Variants in TRPV5 observed in about 807,000 individuals in gnomAD.
The protein encoded by TRPV5 is calcium transport protein 2.
TRPV5 carries 66 observed loss-of-function variants against 74.1 expected under a neutral mutation model. The ratio of observed to expected loss-of-function variants is 0.89; its 90% CI spans 0.73 to 1.09. The LOEUF is 1.09. Among genes scored for constraint, TRPV5 ranks in the 50% least tolerant of loss-of-function variants. TRPV5 has a pLI of 0.00. For synonymous variants in TRPV5, 399 were observed against 360.7 expected (o/e 1.11, Z -1.20); for missense variants, 936 against 930.4 (o/e 1.01, Z -0.08).
rs759897672 is a variant in TRPV5, at chr7:142,908,783, G to T, written c.1921C>A (p.Pro641Thr). The T allele has an allele frequency of 1.2e-6, 2 of 1,612,738 alleles. No homozygotes were observed. Among genetic ancestry groups the T allele is most frequent in the Non-Finnish European group, 1.7e-6 (2 of 1,179,678 alleles). ...LRVENHNDQN[P>T]LRVLRYVEVF... Reference sequence around the variant, plus strand: ...TCCACATAGCGAAGCACTCGCAGAGGATTCTGATCATTGTGGTTCTCAACC... The same window carrying T: ...TCCACATAGCGAAGCACTCGCAGAGTATTCTGATCATTGTGGTTCTCAACC... The change falls in exon 15 of 15, where the codon CCT becomes ACT. Residue 641 changes from proline to threonine, a missense_variant. Coordinates refer to ENST00000265310, the MANE Select transcript of TRPV5 (RefSeq NM_019841.7).
chr7:142,914,599 C>T (rs1181147789), intron 12 of TRPV5, 41 bp downstream of exon 12: 3 of 1,540,788 alleles, frequency 1.9e-6, no homozygotes, highest in Non-Finnish European at 2.7e-6. Context: ...TTCTGGAGAA[C>T]TAGATCTGCT....
In TRPV5 at chr7:142,908,133, G is replaced by T; in HGVS notation, c.*381C>A. ...AGAAGGGCCACAACCTCTATGCCAT[G>T]CCTGGCTCTTCCCACGTAAGCCCTG... is the stretch of plus-strand genomic sequence containing the variant. On this transcript the variant is annotated 3_prime_UTR_variant, in exon 15 of 15. Transcript: ENST00000265310. The T allele has an allele frequency of 4.1e-6, 1 of 242,026 alleles. No homozygotes were observed. The highest frequency in any genetic ancestry group is 8.0e-6 in the Non-Finnish European group (1 of 124,550). 15.0% of individuals were successfully genotyped at this position (242,026 alleles called of 1,614,324 possible).
chr7:142,920,005 A>G (rs778328068), intron 8 of TRPV5, among the ~76,000 whole-genome samples: 2 of 152,216 alleles, frequency 1.3e-5, no homozygotes, highest in Non-Finnish European at 2.9e-5. Context: ...CTAACTGGGC[A>G]TGAGTTCCTA....
chr7:142,929,202 T>C, intron 4 of TRPV5, 82 bp from the exon 5 acceptor site: 1 of 1,542,580 alleles, frequency 6.5e-7, no homozygotes, highest in Admixed American at 1.9e-5. Flanking sequence ...AAGGGCCTCC[T>C]CCTCATCCCC....
At position 142,929,355 on chromosome 7, in the gene TRPV5, C is replaced by T. The variant is rs1024655394; in HGVS notation, c.487+73G>A. 10 of 1,580,276 alleles carry T rather than the reference C, an allele frequency of 6.3e-6. No individual in the cohort carries two copies. The Admixed American group carries it at 1.7e-4, about 27-fold the overall frequency. ...AACAGATGGAGCTGAAGGCAGGACC[C>T]TCATGCCCTGGCCTCCCTCTGCCTT... On this transcript the variant is annotated intron_variant, in intron 4 of 14. Transcript: ENST00000265310.
intron 14 of TRPV5, 147 bp from the exon 15 acceptor site, chr7:142,908,955 T>C (rs1359630207): frequency 2.4e-6 from 2 of 827,942 alleles, no homozygotes; most frequent in South Asian, 1.8e-5. Context: ...TGGGATCAAG[T>C]GAAGGGAGGT....
intron 12 of TRPV5, 98 bp from the exon 13 acceptor site, chr7:142,912,848 C>CTATA (rs1258590895): frequency 1.2e-6 from 1 of 845,158 alleles, no homozygotes; most frequent in Non-Finnish European, 1.8e-6. Context: ...ATCTATCTAT[C>CTATA]TATCTATCTA....
At chr7:142,914,803 C>A in intron 11 of TRPV5, 78 bp downstream of exon 11, 1 of 1,609,258 alleles carries the variant, frequency 6.2e-7, no homozygotes, top group Non-Finnish European at 8.5e-7. Flanking sequence ...ATAGTTCTAC[C>A]AGCTCCATTC....
At chr7:142,924,448 C>G (rs1795951749) in intron 8 of TRPV5, among the ~76,000 whole-genome samples, 1 of 149,514 alleles carries the variant, frequency 6.7e-6, no homozygotes, top group Non-Finnish European at 1.5e-5. Context: ...TGGAGTGTCT[C>G]TACCTAGCAT....
intron 12 of TRPV5, 90 bp downstream of exon 12, chr7:142,914,550 A>G: frequency 9.1e-7 from 1 of 1,096,420 alleles, no homozygotes; most frequent in Non-Finnish European, 1.3e-6. Flanking sequence ...AGCAAAATGA[A>G]GTGCAAATGA....
Position 142,925,522 on chromosome 7 carries a change from G to T in TRPV5, c.1122+7C>A. The T allele has an allele frequency of 6.2e-7, 1 of 1,614,042 alleles. No individual in the cohort carries two copies. The highest frequency in any genetic ancestry group is 8.5e-7 in the Non-Finnish European group (1 of 1,179,906). ...ATTCTCTCTCATCCCCTTCTGAGGA[G>T]AATCACCTGTAGTAGTTTTTGCTGG... On this transcript the variant is annotated splice_region_variant and intron_variant, in intron 8 of 14. Coordinates refer to ENST00000265310, the MANE Select transcript of TRPV5 (RefSeq NM_019841.7).
Position 142,909,515 on chromosome 7 carries a change from C to T in TRPV5, c.1870G>A (p.Gly624Arg), listed in dbSNP as rs1160096148. 3 of 1,614,062 alleles carry T rather than the reference C, an allele frequency of 1.9e-6. No homozygotes were observed. Among genetic ancestry groups the T allele is most frequent in the Non-Finnish European group, 2.5e-6 (3 of 1,180,036 alleles). ...PRSGICGCEFGLGDRWFLRVE... is the reference protein window; with the variant it reads ...PRSGICGCEFRLGDRWFLRVE... ...CGCAGGAACCAGCGGTCCCCCAGCC[C>T]GAATTCGCACCCACAGATCCCGGAG... The change falls in exon 14 of 15, where the codon GGG becomes AGG. Residue 624 changes from glycine (G) to arginine (R), a missense_variant. Transcript: ENST00000265310.
intron 13 of TRPV5, among the ~76,000 whole-genome samples, chr7:142,910,894 T>G (rs533892413): frequency 2.5e-4 from 38 of 152,178 alleles, no homozygotes; most frequent in Admixed American, 8.5e-4. Context: ...TTGTGCTTAA[T>G]TAATCTATTT....
intron 5 of TRPV5, 22 bp from the exon 6 acceptor site, chr7:142,928,888 A>G: frequency 6.2e-7 from 1 of 1,613,416 alleles, no homozygotes; most frequent in Non-Finnish European, 8.5e-7. Flanking sequence ...GCAGGGTATC[A>G]TGTGGCCACT....
intron 8 of TRPV5, among the ~76,000 whole-genome samples, chr7:142,921,761 G>A (rs184976714): frequency 1.4e-4 from 22 of 152,220 alleles, no homozygotes; most frequent in Admixed American, 1.0e-3. Flanking sequence ...GGGATAAAGC[G>A]TAAAACCCTT....
Position 142,933,476 on chromosome 7 carries a change from C to A in TRPV5, c.-17G>T, listed in dbSNP as rs1247977517. On this transcript the variant is annotated 5_prime_UTR_variant, in exon 1 of 15. Coordinates refer to ENST00000265310, the MANE Select transcript of TRPV5 (RefSeq NM_019841.7). Reference sequence around the variant, plus strand: ...ACCCCCCATGTCTTCTCCTTGCAGACACTGGCAGATTATAGAAATGTGGCG... The same window carrying A: ...ACCCCCCATGTCTTCTCCTTGCAGAAACTGGCAGATTATAGAAATGTGGCG... The A allele has an allele frequency of 6.2e-7, 1 of 1,608,358 alleles. No individual in the cohort carries two copies. The highest frequency in any genetic ancestry group is 1.3e-5 in the African/African-American group (1 of 74,524).
intron 1 of TRPV5, 33 bp downstream of exon 1, chr7:142,933,299 C>A: frequency 6.2e-7 from 1 of 1,608,816 alleles, no homozygotes. Context: ...AGGATCACGG[C>A]GGTAGGGCCA....
chr7:142,910,342 G>A (rs1795683739), intron 13 of TRPV5, among the ~76,000 whole-genome samples: 1 of 152,194 alleles, frequency 6.6e-6, no homozygotes, highest in African/African-American at 2.4e-5. Flanking sequence ...GTGTGGGAGT[G>A]CTAGCTGATC....
At chr7:142,918,964 G>A (rs1795841151) in intron 8 of TRPV5, among the ~76,000 whole-genome samples, 1 of 152,196 alleles carries the variant, frequency 6.6e-6, no homozygotes, top group Admixed American at 6.5e-5. Flanking sequence ...CTCATACCCT[G>A]TGTGAGCTCT....
Sources: allele counts gnomAD v4.1 joint callset (sites outside exome capture counted in the v4.1 genomes callset), GRCh38; gene constraint gnomAD v4.1.1; transcripts MANE v1.5; gene names NCBI Gene and HGNC (gene_info 2026-07-23, HGNC 2026-07-21).